CADM2: variants seen among roughly 807,000 people sequenced by gnomAD.
CADM2 encodes the protein immunoglobulin superfamily member 4D.
A neutral mutation model predicts 49.8 loss-of-function variants in CADM2; 12 were observed. The observed-to-expected ratio is 0.24, with a 90% confidence interval of 0.15 to 0.39. CADM2 has a LOEUF of 0.39. CADM2 is among the 10% of genes least tolerant of loss of function. The probability of loss-of-function intolerance (pLI) is 1.00; values close to 1 mark genes in which losing one functional copy is unlikely to be tolerated. For synonymous variants in CADM2, 214 were observed against 175.4 expected (o/e 1.22, Z -1.74); for missense variants, 378 against 492.3 (o/e 0.77, Z 2.20).
Position 86,074,126 on chromosome 3 carries a change from T to A in CADM2, c.*7343T>A, listed in dbSNP as rs1184549259. On this transcript the variant is annotated 3_prime_UTR_variant, in exon 10 of 10. Transcript: ENST00000383699. ...AGAAGCAAAAATACCTAAACCTATT[T>A]TTTTTAACCTTCACACTCTAACCAG... 1 of 152,010 alleles carries A rather than the reference T, an allele frequency of 6.6e-6. No homozygotes were observed. Among genetic ancestry groups the A allele is most frequent in the Non-Finnish European group, 1.5e-5 (1 of 67,888 alleles). The allele number at this position is 152,010 out of a possible 1,614,324, so 9.4% of individuals were successfully genotyped here. A position where few individuals can be genotyped will look rare whatever the true frequency, so the allele number is the denominator to read the frequency against.
At chr3:85,718,887 T>G (rs2067396130) in intron 1 of CADM2, among the ~76,000 whole-genome samples, 1 of 65,344 alleles carries the variant, frequency 1.5e-5, no homozygotes, top group Non-Finnish European at 3.4e-5. Context: ...GGTATTTTAT[T>G]ATTATTATTA....
rs527790329 is a variant in CADM2 at position 85,806,960 on chromosome 3, G to GA, written c.238+4770dup. The stretch of plus-strand genomic sequence containing the variant: ...AGTAGCTTGTGTCCATTGATAAATG[G>GA]AAAAAATAAGACCTAACAATCAAGG... On this transcript the variant is annotated intron_variant, in intron 3 of 9. Coordinates refer to ENST00000383699, the MANE Select transcript of CADM2 (RefSeq NM_001167675.2). Among the ~76,000 whole-genome samples the GA allele has an allele frequency of 4.6e-5, 7 of 152,114 alleles. No individual in the cohort carries two copies. The South Asian group carries it at 1.0e-3, about 23-fold the overall frequency.
At chr3:85,257,628 A>G (rs532332248) in intron 1 of CADM2, among the ~76,000 whole-genome samples, 1 of 152,084 alleles carries the variant, frequency 6.6e-6, no homozygotes, top group East Asian at 1.9e-4. Flanking sequence ...AAGAAAATTG[A>G]TACTTAGAAT....
In CADM2 at chr3:85,536,679, G is replaced by C. The variant is rs17022943; in HGVS notation, c.62-189843G>C. ...TTTGTAGTGACCTTGAGTAAACTAGGAGTGTGTAAGCAGACATCTGGTAAT... is the reference window on the plus strand; with the variant it reads ...TTTGTAGTGACCTTGAGTAAACTAGCAGTGTGTAAGCAGACATCTGGTAAT... On this transcript the variant is annotated intron_variant, in intron 1 of 9. Transcript: ENST00000383699. 2.4e-3 allele frequency among the ~76,000 whole-genome samples: 370 copies of C among 152,134 alleles called. 4 individuals carry two copies. Among genetic ancestry groups the C allele is most frequent in the East Asian group, 0.023 (121 of 5,170 alleles).
At chr3:85,959,114 C>CTA (rs907260688) in intron 7 of CADM2, among the ~76,000 whole-genome samples, 1 of 146,674 alleles carries the variant, frequency 6.8e-6, no homozygotes, top group Non-Finnish European at 1.5e-5. Flanking sequence ...ATATCTATAT[C>CTA]TATATAGCTA....
intron 1 of CADM2, among the ~76,000 whole-genome samples, chr3:85,354,962 C>G (rs1212875367): frequency 1.3e-5 from 2 of 152,054 alleles, no homozygotes; most frequent in African/African-American, 4.8e-5. Flanking sequence ...TCACGGAAAC[C>G]CATGTCCAAA....
intron 1 of CADM2, among the ~76,000 whole-genome samples, chr3:85,253,044 A>C (rs767898280): frequency 3.6e-4 from 55 of 152,254 alleles, no homozygotes; most frequent in Admixed American, 1.1e-3. Context: ...CAGCAAAAAC[A>C]AACAAGCAAA....
chr3:85,031,870 T>G (rs1429647397), intron 1 of CADM2, among the ~76,000 whole-genome samples: 1 of 152,088 alleles, frequency 6.6e-6, no homozygotes, highest in African/African-American at 2.4e-5. Context: ...GGTAGTGAAT[T>G]ATCCCCTTTT....
intron 6 of CADM2, among the ~76,000 whole-genome samples, chr3:85,914,814 G>A (rs1035751141): frequency 1.3e-5 from 2 of 152,154 alleles, no homozygotes; most frequent in Admixed American, 6.6e-5. Flanking sequence ...ATTCTAAAGA[G>A]GCTTCTGGAT....
chr3:84,998,032 G>C (rs2107202954), intron 1 of CADM2, among the ~76,000 whole-genome samples: 1 of 152,252 alleles, frequency 6.6e-6, no homozygotes, highest in African/African-American at 2.4e-5. Flanking sequence ...TTGCAAGTAA[G>C]ATGTATCTTC....
intron 1 of CADM2, among the ~76,000 whole-genome samples, chr3:85,054,874 C>T (rs2036019216): frequency 6.6e-6 from 1 of 151,788 alleles, no homozygotes; most frequent in South Asian, 2.1e-4. Flanking sequence ...TAAATAGCCT[C>T]AAGTCTATAT....
intron 1 of CADM2, among the ~76,000 whole-genome samples, chr3:85,366,699 T>C (rs2032812729): frequency 6.6e-6 from 1 of 152,162 alleles, no homozygotes; most frequent in Non-Finnish European, 1.5e-5. Flanking sequence ...TACCTGTTTT[T>C]TAAGAAACAA....
At chr3:85,308,100 T>A (rs1357972757) in intron 1 of CADM2, among the ~76,000 whole-genome samples, 1 of 151,844 alleles carries the variant, frequency 6.6e-6, no homozygotes, top group Admixed American at 6.6e-5. Context: ...ACTGCATTTA[T>A]TTTAGTGTCT....
chr3:85,538,621 G>A (rs1263528803), intron 1 of CADM2, among the ~76,000 whole-genome samples: 3 of 152,114 alleles, frequency 2.0e-5, no homozygotes, highest in Non-Finnish European at 4.4e-5. Context: ...AGGGTCAGAT[G>A]ACAGACACTA....
At chr3:85,397,356 A>G (rs887456198) in intron 1 of CADM2, among the ~76,000 whole-genome samples, 3 of 152,182 alleles carry the variant, frequency 2.0e-5, no homozygotes, top group African/African-American at 7.2e-5. Flanking sequence ...TAGAATTATT[A>G]TATGATCCAG....
chr3:85,943,859 A>C (rs918475668), intron 7 of CADM2, among the ~76,000 whole-genome samples: 1 of 152,114 alleles, frequency 6.6e-6, no homozygotes, highest in South Asian at 2.1e-4. Flanking sequence ...TAGAAACTGC[A>C]TCAACTAACG....
intron 1 of CADM2, among the ~76,000 whole-genome samples, chr3:85,127,531 T>C (rs1218460406): frequency 6.6e-6 from 1 of 152,154 alleles, no homozygotes; most frequent in Non-Finnish European, 1.5e-5. Flanking sequence ...GGCTTCTGGG[T>C]CAGATTACTT....
chr3:85,117,597 G>A lies in CADM2; in HGVS notation c.61+157929G>A, dbSNP rs202243514. Among the ~76,000 whole-genome samples the A allele has an allele frequency of 6.6e-5, 10 of 152,152 alleles. No homozygotes were observed. The East Asian group carries it at 1.9e-3, about 29-fold the overall frequency. ...AGTATATTTATCAGATTATAATATA[G>A]CATTACAGTTGTAAAATGATAAACA... On this transcript the variant is annotated intron_variant, in intron 1 of 9. Transcript: ENST00000383699.
chr3:85,530,322 GTTTTTTTTTTTT>G (rs57504567), intron 1 of CADM2, among the ~76,000 whole-genome samples: 9 of 31,284 alleles, frequency 2.9e-4, no homozygotes, highest in African/African-American at 6.5e-4. Context: ...TCTTTTCTCC[GTTTTTTTTTTTT>G]TTTTTTTTTT....
Sources: gnomAD v4.1 joint callset for allele counts (sites outside exome capture counted in the v4.1 genomes callset) on GRCh38, gnomAD v4.1.1 for gene constraint, MANE v1.5 for transcripts, NCBI Gene and HGNC (gene_info 2026-07-23, HGNC 2026-07-21) for gene names.